Variants in SEC61A2 observed in about 807,000 individuals in gnomAD.
The protein encoded by SEC61A2 is protein transport protein Sec61 subunit alpha isoform 2.
A neutral mutation model predicts 59.9 loss-of-function variants in SEC61A2; 28 were observed. That is an observed-to-expected ratio of 0.47 (90% confidence interval 0.35 to 0.64). The LOEUF is 0.64. Among genes scored for constraint, SEC61A2 ranks in the 30% least tolerant of loss-of-function variants. The pLI is 0.01. For synonymous variants in SEC61A2, 202 were observed against 214.4 expected, an observed-to-expected ratio of 0.94 and a Z score of 0.50; for missense variants, 340 against 585.9, an observed-to-expected ratio of 0.58 and a Z score of 4.33.
Position 12,154,580 on chromosome 10 carries a change from G to A in SEC61A2, c.463-1198G>A, listed in dbSNP as rs1203059556. Among the ~76,000 whole-genome samples, 1 of 152,092 alleles carries A rather than the reference G, an allele frequency of 6.6e-6. No homozygotes were observed. Among genetic ancestry groups the A allele is most frequent in the Non-Finnish European group, 1.5e-5 (1 of 68,024 alleles). On this transcript the variant is annotated intron_variant, in intron 6 of 11. Transcript: ENST00000298428. The surrounding 1 kb of genome is among the most constrained non-coding windows in gnomAD (Gnocchi z 5.2). ...CTCTACATTATTTTGTCAAAATGTC[G>A]AACTTGGTTTTCAAGCAGTAAAGGA... is the stretch of plus-strand genomic sequence containing the variant.
In SEC61A2 at chr10:12,156,613, G is replaced by A. The variant is rs1834401143; in HGVS notation, c.617-294G>A. Among the ~76,000 whole-genome samples, 1 of 152,202 alleles carries A rather than the reference G, an allele frequency of 6.6e-6. No individual in the cohort carries two copies. The highest frequency in any genetic ancestry group is 2.1e-4 in the South Asian group (1 of 4,838). Reference sequence around the variant, plus strand: ...CACTCTCTCCCTTCCCTGAAGTAGAGGAGAGGCAAATCTCTATGAATGAAA... The same window carrying A: ...CACTCTCTCCCTTCCCTGAAGTAGAAGAGAGGCAAATCTCTATGAATGAAA... On this transcript the variant is annotated intron_variant, in intron 7 of 11. Coordinates refer to ENST00000298428, the MANE Select transcript of SEC61A2 (RefSeq NM_018144.4). This position sits in a 1 kb window ranked among gnomAD's most constrained non-coding sequence, Gnocchi z 5.2.
At chr10:12,135,017 C>T (rs1011328157) in intron 2 of SEC61A2, among the ~76,000 whole-genome samples, 8 of 151,922 alleles carry the variant, frequency 5.3e-5, no homozygotes, top group South Asian at 4.2e-4. Context: ...ACTTTAGTTA[C>T]GTTTTTGTGT....
At chr10:12,134,689 G>A (rs1833844046) in intron 2 of SEC61A2, among the ~76,000 whole-genome samples, 1 of 152,154 alleles carries the variant, frequency 6.6e-6, no homozygotes, top group South Asian at 2.1e-4. Context: ...CACTTTGGGA[G>A]GCTGAGGCAG....
At chr10:12,134,067 C>T (rs1277394177) in intron 2 of SEC61A2, among the ~76,000 whole-genome samples, 2 of 152,184 alleles carry the variant, frequency 1.3e-5, no homozygotes, top group African/African-American at 4.8e-5. Context: ...AGTGCAGTGG[C>T]GCCATCAAGG....
intron 4 of SEC61A2, among the ~76,000 whole-genome samples, chr10:12,146,577 G>A (rs2131663579): frequency 6.6e-6 from 1 of 152,080 alleles, no homozygotes; most frequent in Non-Finnish European, 1.5e-5. Context: ...GAGTGCAGTG[G>A]CGCGATGTCA....
chr10:12,134,001 GTATT>G (rs762230002), intron 2 of SEC61A2, among the ~76,000 whole-genome samples: 9 of 152,212 alleles, frequency 5.9e-5, no homozygotes, highest in South Asian at 2.1e-4. Flanking sequence ...TGATTTAGAA[GTATT>G]TATTTATTTA....
chr10:12,169,379 C>T (rs140465352), downstream of SEC61A2: 463 of 1,238,654 alleles, frequency 3.7e-4, 2 homozygotes, highest in African/African-American at 5.7e-3. This position sits in a 1 kb window ranked among gnomAD's most constrained non-coding sequence, Gnocchi z 4.8. Flanking sequence ...CTGCTTTCCA[C>T]GCACCTCCTC....
rs537589899 is a variant in SEC61A2, at chr10:12,156,000, C to A, written c.616+69C>A. Reference sequence around the variant, plus strand: ...TGTGCTGGGAACAAACCCATCGTGTCGCAGTACATGCCTAGAGCCGTTCTG... The same window carrying A: ...TGTGCTGGGAACAAACCCATCGTGTAGCAGTACATGCCTAGAGCCGTTCTG... On this transcript the variant is annotated intron_variant, in intron 7 of 11. Transcript: ENST00000298428. This position sits in a 1 kb window ranked among gnomAD's most constrained non-coding sequence, Gnocchi z 4.3. The A allele has an allele frequency of 6.2e-5, 95 of 1,541,064 alleles. No individual in the cohort carries two copies. In the African/African-American group the frequency reaches 1.2e-3, roughly 20 times the overall value.
chr10:12,158,195 G>A lies in SEC61A2; in HGVS notation c.975+90G>A, dbSNP rs1834450838. ...TTAATGGAATGAGGTCGACATTGGA[G>A]CATTTGCTGTATTTTCAGATTCACT... On this transcript the variant is annotated intron_variant, in intron 9 of 11. Transcript: ENST00000298428. This position sits in a 1 kb window ranked among gnomAD's most constrained non-coding sequence, Gnocchi z 5.7. The A allele has an allele frequency of 5.9e-6, 6 of 1,016,386 alleles. No homozygotes were observed. The East Asian group carries it at 1.3e-4, about 22-fold the overall frequency. 63.0% of individuals were successfully genotyped at this position (1,016,386 alleles called of 1,614,324 possible).
chr10:12,153,263 G>T lies in SEC61A2; in HGVS notation c.463-2515G>T, dbSNP rs951077685. 6.6e-6 allele frequency among the ~76,000 whole-genome samples: 1 copy of T among 152,104 alleles called. No individual in the cohort carries two copies. The highest frequency in any genetic ancestry group is 2.4e-5 in the African/African-American group (1 of 41,414). ...TAGGCATTGTTGAGGTTATGGACAGGCCAATTGTTGCCTTCAGTTTTGTTT... is the reference window on the plus strand; with the variant it reads ...TAGGCATTGTTGAGGTTATGGACAGTCCAATTGTTGCCTTCAGTTTTGTTT... On this transcript the variant is annotated intron_variant, in intron 6 of 11. Coordinates refer to ENST00000298428, the MANE Select transcript of SEC61A2 (RefSeq NM_018144.4). This position sits in a 1 kb window ranked among gnomAD's most constrained non-coding sequence, Gnocchi z 5.2.
Position 12,165,305 on chromosome 10 carries a change from T to C in SEC61A2, c.*851T>C. 1 of 975,316 alleles carries C rather than the reference T, an allele frequency of 1.0e-6. No homozygotes were observed. The highest frequency in any genetic ancestry group is 1.2e-6 in the Non-Finnish European group (1 of 820,292). The allele number at this position is 975,316 out of a possible 1,614,324, so 60.4% of individuals were successfully genotyped here. ...CATGCTAGGAATTTGTGTCTGTTGT[T>C]GTACTCACAGCAGCAACATGAGTGT... is the stretch of plus-strand genomic sequence containing the variant. On this transcript the variant is annotated 3_prime_UTR_variant, in exon 12 of 12. Coordinates refer to ENST00000298428, the MANE Select transcript of SEC61A2 (RefSeq NM_018144.4).
downstream of SEC61A2, chr10:12,169,155 T>C: frequency 1.5e-6 from 1 of 667,134 alleles, no homozygotes. The surrounding 1 kb of genome is among the most constrained non-coding windows in gnomAD (Gnocchi z 4.8). Context: ...TTGATTCTGC[T>C]AAAGCTAGGC....
chr10:12,151,772 T>C (rs1042118817), intron 6 of SEC61A2, among the ~76,000 whole-genome samples: 1 of 152,236 alleles, frequency 6.6e-6, no homozygotes, highest in African/African-American at 2.4e-5. Flanking sequence ...TTTTTTATTT[T>C]TGAGACGGAG....
rs531623693 is a variant in SEC61A2, at chr10:12,158,965, A to G, written c.975+860A>G. On this transcript the variant is annotated intron_variant, in intron 9 of 11. Coordinates refer to ENST00000298428, the MANE Select transcript of SEC61A2 (RefSeq NM_018144.4). This position sits in a 1 kb window ranked among gnomAD's most constrained non-coding sequence, Gnocchi z 5.7. ...CTATACATTCTCATATACATCCCCC[A>G]TCATAATTTTTTTTTCTTTTTTTTT... Among the ~76,000 whole-genome samples, 16 of 149,310 alleles carry G rather than the reference A, an allele frequency of 1.1e-4. No individual in the cohort carries two copies. The South Asian group carries it at 3.4e-3, about 32-fold the overall frequency.
Position 12,136,668 on chromosome 10 carries a change from T to C in SEC61A2, c.141+498T>C, listed in dbSNP as rs543224457. On this transcript the variant is annotated intron_variant, in intron 3 of 11. Transcript: ENST00000298428. Reference sequence around the variant, plus strand: ...TTTTTGAGATGGAGTTTCACATTGTTGCCCAGGCTGGAGTGCAGTGGTATG... The same window carrying C: ...TTTTTGAGATGGAGTTTCACATTGTCGCCCAGGCTGGAGTGCAGTGGTATG... 3.9e-5 allele frequency among the ~76,000 whole-genome samples: 6 copies of C among 152,264 alleles called. 1 individual carries two copies. The highest frequency in any genetic ancestry group is 1.2e-4 in the African/African-American group (5 of 41,558).
Position 12,164,271 on chromosome 10 carries a change from C to T in SEC61A2, c.1248C>T (p.Tyr416=). The change falls in exon 12 of 12, where the codon TAC becomes TAT. Residue 416 remains tyrosine, a synonymous_variant. Coordinates refer to ENST00000298428, the MANE Select transcript of SEC61A2 (RefSeq NM_018144.4). The surrounding 1 kb of genome is among the most constrained non-coding windows in gnomAD (Gnocchi z 7.3). ...DTSMVHELNR[Y]IPTAAAFGGL... is the part of the protein sequence containing the mutation. ...AACTTGGGGTTCTGTCTCCTAGGTA[C>T]ATCCCCACCGCAGCTGCGTTTGGCG... 1 of 1,612,808 alleles carries T rather than the reference C, an allele frequency of 6.2e-7. No homozygotes were observed.
chr10:12,149,700 G>C lies in SEC61A2; in HGVS notation c.326G>C (p.Arg109Thr). Residue 109 changes from arginine to threonine, a missense_variant, in exon 5 of 12, where the codon AGA becomes ACA. Physicochemically the swap from Arg to Thr is moderately conservative, Grantham distance 71. Around this residue, in one of 3 missense-constraint regions of SEC61A2, gnomAD observed 283 missense variants for 483.2 expected, o/e 0.59. Transcript: ENST00000298428. The surrounding 1 kb of genome is among the most constrained non-coding windows in gnomAD (Gnocchi z 5.2). ...GAAGTTGGAGATACACCGAAAGATA[G>C]AGCTTTATTCAATGGAGCCCAGAAA... is the stretch of plus-strand genomic sequence containing the variant. ...IIEVGDTPKD[R>T]ALFNGAQKLF... 1 of 1,613,522 alleles carries C rather than the reference G, an allele frequency of 6.2e-7. No homozygotes were observed. The highest frequency in any genetic ancestry group is 8.5e-7 in the Non-Finnish European group (1 of 1,179,860).
chr10:12,147,729 GTGAGGCA>G (rs1224124250), intron 4 of SEC61A2, among the ~76,000 whole-genome samples: 2 of 151,320 alleles, frequency 1.3e-5, no homozygotes, highest in Non-Finnish European at 2.9e-5. Flanking sequence ...TTGTTTTGAT[GTGAGGCA>G]TGAGGCATGA....
rs181275339 is a variant in SEC61A2, at chr10:12,134,099, C to T, written c.75+791C>T. Among the ~76,000 whole-genome samples, 286 of 152,306 alleles carry T rather than the reference C, an allele frequency of 1.9e-3. 1 individual carries two copies. The highest frequency in any genetic ancestry group is 6.2e-3 in the African/African-American group (256 of 41,582). On this transcript the variant is annotated intron_variant, in intron 2 of 11. Coordinates refer to ENST00000298428, the MANE Select transcript of SEC61A2 (RefSeq NM_018144.4). The stretch of plus-strand genomic sequence containing the variant: ...AAGGCTCACTGCAAGCTCCGCCTCC[C>T]GGGTTCACGCCATTCTCCTGCCTCA...
Sources: gnomAD v4.1 joint callset for allele counts (sites outside exome capture counted in the v4.1 genomes callset) on GRCh38, gnomAD v4.1.1 for gene constraint, gnomAD v4.1.1 regional missense constraint, Gnocchi (gnomAD v3.1) non-coding constraint, MANE v1.5 for transcripts, NCBI Gene and HGNC (gene_info 2026-07-23, HGNC 2026-07-21) for gene names.